AFF3: variants seen among roughly 807,000 people sequenced by gnomAD.
AFF3 encodes ALF transcription elongation factor 3, also known as AF4/FMR2 family member 3.
In AFF3, 32 loss-of-function variants were observed where a neutral mutation model predicts 129.7. That is an observed-to-expected ratio of 0.25 (90% CI 0.19 to 0.33). The LOEUF (loss-of-function observed/expected upper bound fraction) is 0.33, where lower values mean the gene tolerates loss of function less well. Among genes scored for constraint, AFF3 ranks in the 10% least tolerant of loss-of-function variants. The probability of loss-of-function intolerance (pLI) is 1.00; values close to 1 mark genes in which losing one functional copy is unlikely to be tolerated. For missense variants in AFF3, 1,373 were observed against 1,592.0 expected (o/e 0.86, Z 2.34); for synonymous variants, 644 against 635.4 (o/e 1.01, Z -0.20).
intron 4 of AFF3, among the ~76,000 whole-genome samples, chr2:100,051,629 C>G (rs1342841548): frequency 6.6e-6 from 1 of 152,126 alleles, no homozygotes; most frequent in Non-Finnish European, 1.5e-5. Context: ...TTCTTATCTA[C>G]TGTTAATATA....
chr2:99,995,518 G>T (rs767026577), intron 7 of AFF3, among the ~76,000 whole-genome samples: 1 of 151,928 alleles, frequency 6.6e-6, no homozygotes, highest in South Asian at 2.1e-4. Context: ...GACTACAGGC[G>T]ACTGCCACCA....
rs757660419 is a variant in AFF3, at chr2:99,558,828, A to G, written c.3285+47T>C. 6 of 1,575,094 alleles carry G rather than the reference A, an allele frequency of 3.8e-6. No individual in the cohort carries two copies. The East Asian group carries it at 1.3e-4, about 35-fold the overall frequency. On this transcript the variant is annotated intron_variant, in intron 22 of 24. Transcript: ENST00000672756. The stretch of plus-strand genomic sequence containing the variant: ...CAGGTGCTTCACAAATTTGACAGGG[A>G]GACAAGTGAAATTAAGGAACAATTC...
chr2:99,858,776 G>C (rs1690729372), intron 7 of AFF3, among the ~76,000 whole-genome samples: 1 of 152,084 alleles, frequency 6.6e-6, no homozygotes, highest in African/African-American at 2.4e-5. Flanking sequence ...GGAGGGAGAG[G>C]ATCAGGAAAA....
chr2:100,098,952 C>T lies in AFF3; in HGVS notation c.53+5450G>A, dbSNP rs548089241. ...GCCCCTTCCCCACTGCTGCCCACAGCCCTAGCCCTGGAAGCCTCTCTTCTG... is the reference window on the plus strand; with the variant it reads ...GCCCCTTCCCCACTGCTGCCCACAGTCCTAGCCCTGGAAGCCTCTCTTCTG... On this transcript the variant is annotated intron_variant, in intron 4 of 24. Transcript: ENST00000672756. Among the ~76,000 whole-genome samples, 272 of 122,576 alleles carry T rather than the reference C, an allele frequency of 2.2e-3. 8 individuals carry two copies. Among genetic ancestry groups the T allele is most frequent in the Non-Finnish European group, 3.8e-3 (215 of 57,248 alleles). 80.4% of individuals were successfully genotyped at this position (122,576 alleles called of 152,430 possible). A position where few individuals can be genotyped will look rare whatever the true frequency, so the allele number is the denominator to read the frequency against.
At chr2:100,018,361 T>C (rs1292766553) in intron 4 of AFF3, among the ~76,000 whole-genome samples, 1 of 152,168 alleles carries the variant, frequency 6.6e-6, no homozygotes, top group Admixed American at 6.5e-5. Flanking sequence ...CCCAACTCCA[T>C]TTCTAGTTCA....
chr2:99,813,524 C>T (rs987858518), intron 8 of AFF3, among the ~76,000 whole-genome samples: 4 of 152,170 alleles, frequency 2.6e-5, no homozygotes, highest in South Asian at 2.1e-4. Context: ...CTGTGTACTA[C>T]GATCCTCATG....
At position 99,593,923 on chromosome 2, in the gene AFF3, G is replaced by A. The variant is rs772330431; in HGVS notation, c.1738C>T (p.Arg580Trp). The A allele has an allele frequency of 1.4e-6, 2 of 1,395,880 alleles. No individual in the cohort carries two copies. The highest frequency in any genetic ancestry group is 1.9e-6 in the Non-Finnish European group (2 of 1,077,174). The allele number at this position is 1,395,880 out of a possible 1,614,324, so 86.5% of individuals were successfully genotyped here. A position where few individuals can be genotyped will look rare whatever the true frequency, so the allele number is the denominator to read the frequency against. Residue 580 changes from arginine to tryptophan, a missense_variant, in exon 15 of 25, where the codon CGG becomes TGG. Physicochemically the swap from Arg to Trp is moderately radical, Grantham distance 101 (BLOSUM62 -3). Transcript: ENST00000672756. ...GTGGGCTTCTTGCCCGCGGACCTCC[G>A]GGCAGGCGCGGGCGCGTTCTCCGCG... Reference protein sequence around the residue: ...APAENAPAPARRSAGKKPTRR... With the variant: ...APAENAPAPAWRSAGKKPTRR...
chr2:99,910,845 T>C (rs1341829521), intron 7 of AFF3, among the ~76,000 whole-genome samples: 2 of 152,258 alleles, frequency 1.3e-5, no homozygotes, highest in African/African-American at 4.8e-5. Flanking sequence ...ATGTGATCAT[T>C]TCGGGAGCTC....
intron 4 of AFF3, among the ~76,000 whole-genome samples, chr2:100,017,091 T>C (rs1442201732): frequency 6.6e-6 from 1 of 151,944 alleles, no homozygotes; most frequent in Non-Finnish European, 1.5e-5. Context: ...GTGAAAGTGG[T>C]AGTGAAGGTG....
chr2:100,068,565 T>C (rs1258741413), intron 4 of AFF3, among the ~76,000 whole-genome samples: 1 of 152,176 alleles, frequency 6.6e-6, no homozygotes, highest in East Asian at 1.9e-4. Flanking sequence ...AAAAAAGGAC[T>C]TGACTTATTC....
At position 99,594,149 on chromosome 2, in the gene AFF3, G is replaced by C. The variant is rs146485516; in HGVS notation, c.1512C>G (p.Val504=). Residue 504 remains valine (V), a synonymous_variant, in exon 15 of 25, where the codon GTC becomes GTG. Coordinates refer to ENST00000672756, the MANE Select transcript of AFF3 (RefSeq NM_001386135.1). ...CGTCGGGGACTTTCCCACAGTCCTG[G>C]ACGTCCTCTTTCACCGGGTTGTAGT... ...NQYYNPVKED[V]QDCGKVPDVC... is the part of the protein sequence containing the mutation. 118 of 1,614,044 alleles carry C rather than the reference G, an allele frequency of 7.3e-5. No individual in the cohort carries two copies. Among genetic ancestry groups the C allele is most frequent in the Admixed American group, 2.0e-4 (12 of 60,000 alleles).
At position 99,601,522 on chromosome 2, in the gene AFF3, T is replaced by C. The variant is rs1485373052; in HGVS notation, c.1284A>G (p.Ser428=). ...SSGSSSSSSD[S]ESSSGSDSET... is the part of the protein sequence containing the mutation. ...CCGAGTCAGATCCGGAGCTGCTCTC[T>C]GAGTCGCTGGAGGAGCTGCTGCTGC... Residue 428 remains serine, a synonymous_variant, in exon 14 of 25, where the codon TCA becomes TCG. Transcript: ENST00000672756. 4 of 1,605,546 alleles carry C rather than the reference T, an allele frequency of 2.5e-6. No homozygotes were observed. The highest frequency in any genetic ancestry group is 3.4e-6 in the Non-Finnish European group (4 of 1,176,880).
intron 11 of AFF3, among the ~76,000 whole-genome samples, chr2:99,676,294 G>T (rs987414298): frequency 6.6e-6 from 1 of 152,142 alleles, no homozygotes; most frequent in Non-Finnish European, 1.5e-5. Context: ...ATGTCCGTCC[G>T]TAGCAGACCA....
At chr2:99,664,754 C>T (rs944051354) in intron 12 of AFF3, among the ~76,000 whole-genome samples, 1 of 152,220 alleles carries the variant, frequency 6.6e-6, no homozygotes, top group African/African-American at 2.4e-5. Flanking sequence ...CATTTATCCA[C>T]GCATTCGTTC....
chr2:99,789,919 A>G (rs1313607252), intron 8 of AFF3, among the ~76,000 whole-genome samples: 1 of 152,254 alleles, frequency 6.6e-6, no homozygotes, highest in Non-Finnish European at 1.5e-5. Context: ...AATTTCAACA[A>G]TGAAAGGAAT....
At chr2:99,855,693 G>A (rs1351018692) in intron 7 of AFF3, among the ~76,000 whole-genome samples, 2 of 152,092 alleles carry the variant, frequency 1.3e-5, no homozygotes, top group African/African-American at 4.8e-5. Flanking sequence ...AATAATTTAC[G>A]TAGCTACTCT....
rs1412914996 is a variant in AFF3 at position 99,859,085 on chromosome 2, TA to T, written c.874-21562del. Among the ~76,000 whole-genome samples, 5 of 152,368 alleles carry T rather than the reference TA, an allele frequency of 3.3e-5. No individual in the cohort carries two copies. The East Asian group carries it at 9.6e-4, about 29-fold the overall frequency. On this transcript the variant is annotated intron_variant, in intron 7 of 24. Coordinates refer to ENST00000672756, the MANE Select transcript of AFF3 (RefSeq NM_001386135.1). ...TAAAGCAGCTCCGCTTCTCCTGTCA[TA>T]AGCACAGTGCTAAATTGAGTTTGGA...
chr2:99,699,913 C>G (rs1321690309), intron 11 of AFF3, among the ~76,000 whole-genome samples: 2 of 152,206 alleles, frequency 1.3e-5, no homozygotes, highest in African/African-American at 4.8e-5. Flanking sequence ...GGGCTTCCAC[C>G]TGTTAACATG....
intron 7 of AFF3, among the ~76,000 whole-genome samples, chr2:99,993,960 C>G (rs1218688462): frequency 2.0e-5 from 3 of 151,430 alleles, no homozygotes; most frequent in Non-Finnish European, 4.4e-5. Flanking sequence ...CGCCCACCAC[C>G]ATGCCCGGCT....
Sources: gnomAD v4.1 joint callset for allele counts (sites outside exome capture counted in the v4.1 genomes callset) on GRCh38, gnomAD v4.1.1 for gene constraint, MANE v1.5 for transcripts, NCBI Gene and HGNC (gene_info 2026-07-23, HGNC 2026-07-21) for gene names.